CNTN3: variants seen among roughly 807,000 people sequenced by gnomAD.
CNTN3 encodes contactin 3.
CNTN3 carries 60 observed loss-of-function variants against 119.1 expected under a neutral mutation model. The observed-to-expected ratio is 0.50, with a 90% CI of 0.41 to 0.62. CNTN3 has a LOEUF of 0.62. Ranked by LOEUF, CNTN3 falls within the 20% of genes least tolerant of loss-of-function variation. The probability of loss-of-function intolerance (pLI) is 0.00; values close to 1 mark genes in which losing one functional copy is unlikely to be tolerated. For missense variants in CNTN3, 1,101 were observed against 1,242.4 expected, an observed-to-expected ratio of 0.89 and a Z score of 1.71; for synonymous variants, 450 against 438.7, an observed-to-expected ratio of 1.03 and a Z score of -0.32.
intron 1 of CNTN3, among the ~76,000 whole-genome samples, chr3:74,597,972 A>G (rs1379172999): frequency 6.6e-6 from 1 of 152,090 alleles, no homozygotes; most frequent in African/African-American, 2.4e-5. Flanking sequence ...AGCTTCTAGA[A>G]TAAAACAAAG....
chr3:74,468,846 G>A (rs1254212658), intron 4 of CNTN3, among the ~76,000 whole-genome samples: 1 of 152,116 alleles, frequency 6.6e-6, no homozygotes, highest in African/African-American at 2.4e-5. Context: ...TTTGGGAGGG[G>A]TTTAAACATT....
intron 4 of CNTN3, among the ~76,000 whole-genome samples, chr3:74,479,432 A>G (rs1702722120): frequency 1.3e-5 from 2 of 152,130 alleles, no homozygotes; most frequent in Admixed American, 6.6e-5. Flanking sequence ...ATGTCATCAG[A>G]CTTCACAACA....
At chr3:74,400,451 T>C (rs1559582707) in intron 5 of CNTN3, among the ~76,000 whole-genome samples, 1 of 152,190 alleles carries the variant, frequency 6.6e-6, no homozygotes, top group Non-Finnish European at 1.5e-5. Context: ...ACATTTTCTT[T>C]AGCCTGCAAA....
At chr3:74,488,199 G>A (rs1434076754) in intron 3 of CNTN3, among the ~76,000 whole-genome samples, 3 of 151,946 alleles carry the variant, frequency 2.0e-5, no homozygotes, top group African/African-American at 7.2e-5. Flanking sequence ...GGCAAGCTCT[G>A]CCTCCTGAGC....
intron 19 of CNTN3, 77 bp downstream of exon 19, chr3:74,295,044 T>C (rs1193738520): frequency 1.4e-5 from 14 of 969,338 alleles, no homozygotes; most frequent in Non-Finnish European, 6.3e-6. Flanking sequence ...TAAGAGGTCA[T>C]TGTTAAGGGT....
intron 11 of CNTN3, among the ~76,000 whole-genome samples, chr3:74,349,436 G>A (rs528874871): frequency 4.5e-4 from 69 of 152,296 alleles, no homozygotes; most frequent in Non-Finnish European, 8.2e-4. Flanking sequence ...ATATGTAAGG[G>A]TTTTCTAGGT....
At chr3:74,433,356 T>C (rs907857839) in intron 4 of CNTN3, among the ~76,000 whole-genome samples, 1 of 152,112 alleles carries the variant, frequency 6.6e-6, no homozygotes, top group Non-Finnish European at 1.5e-5. Flanking sequence ...CATCAAAAAA[T>C]GTCTACCACA....
At chr3:74,321,728 T>C (rs934232823) in intron 13 of CNTN3, among the ~76,000 whole-genome samples, 1 of 152,086 alleles carries the variant, frequency 6.6e-6, no homozygotes, top group Admixed American at 6.5e-5. Flanking sequence ...ACAGACCCTA[T>C]GTATATTAAA....
At chr3:74,320,053 C>G (rs182380962) in intron 13 of CNTN3, among the ~76,000 whole-genome samples, 5 of 152,156 alleles carry the variant, frequency 3.3e-5, no homozygotes, top group Admixed American at 2.6e-4. Context: ...AATAGGAACA[C>G]TTTGACACTG....
At chr3:74,354,658 G>GA (rs1703895533) in intron 11 of CNTN3, among the ~76,000 whole-genome samples, 1 of 151,508 alleles carries the variant, frequency 6.6e-6, no homozygotes, top group South Asian at 2.1e-4. Flanking sequence ...GCTGCAGGGA[G>GA]AAAAAAAGCA....
intron 1 of CNTN3, among the ~76,000 whole-genome samples, chr3:74,607,540 A>G (rs1034859059): frequency 1.3e-5 from 2 of 152,202 alleles, no homozygotes; most frequent in African/African-American, 4.8e-5. Context: ...ATAAACAAAC[A>G]TATTTGCTAT....
intron 1 of CNTN3, among the ~76,000 whole-genome samples, chr3:74,593,160 A>T (rs1704733588): frequency 6.6e-6 from 1 of 152,008 alleles, no homozygotes; most frequent in African/African-American, 2.4e-5. Context: ...ACTTTAGAAC[A>T]ATTTATGACA....
intron 10 of CNTN3, among the ~76,000 whole-genome samples, chr3:74,362,680 T>C (rs766816969): frequency 8.5e-5 from 13 of 152,114 alleles, no homozygotes; most frequent in Non-Finnish European, 1.5e-4. Flanking sequence ...TTAAGATACA[T>C]AATATTGTAT....
intron 4 of CNTN3, among the ~76,000 whole-genome samples, chr3:74,440,461 T>G (rs77697920): frequency 6.9e-6 from 1 of 145,704 alleles, no homozygotes; most frequent in African/African-American, 2.5e-5. Flanking sequence ...AATCGCCAAC[T>G]TAAAGCTTAA....
intron 5 of CNTN3, among the ~76,000 whole-genome samples, chr3:74,406,921 C>A (rs1414974116): frequency 6.6e-6 from 1 of 152,068 alleles, no homozygotes; most frequent in Non-Finnish European, 1.5e-5. Flanking sequence ...TAATTCTTTT[C>A]AGGACTAAAA....
chr3:74,379,676 T>C (rs1034886235), intron 5 of CNTN3, among the ~76,000 whole-genome samples: 1 of 152,160 alleles, frequency 6.6e-6, no homozygotes, highest in African/African-American at 2.4e-5. Context: ...TGAAGTTCTT[T>C]CGGTGGGACT....
intron 11 of CNTN3, among the ~76,000 whole-genome samples, chr3:74,344,893 AAAC>A (rs1226728465): frequency 2.0e-5 from 3 of 151,468 alleles, no homozygotes; most frequent in Admixed American, 2.0e-4. Flanking sequence ...ACACACACAC[AAAC>A]AATAACAGTT....
intron 4 of CNTN3, among the ~76,000 whole-genome samples, chr3:74,467,857 C>T (rs1472391095): frequency 6.6e-6 from 1 of 151,986 alleles, no homozygotes; most frequent in Non-Finnish European, 1.5e-5. Context: ...CCTACAGTGG[C>T]CAAAGAGGGA....
intron 1 of CNTN3, among the ~76,000 whole-genome samples, chr3:74,547,713 TATTA>T (rs898275369): frequency 8.5e-5 from 13 of 152,186 alleles, no homozygotes. Context: ...ACACTATAGA[TATTA>T]ATTCTCTGGC....
Sources: allele counts gnomAD v4.1 joint callset (sites outside exome capture counted in the v4.1 genomes callset), GRCh38; gene constraint gnomAD v4.1.1; transcripts MANE v1.5; gene names NCBI Gene and HGNC (gene_info 2026-07-23, HGNC 2026-07-21).